Variants in ARL13B observed in about 807,000 individuals in gnomAD.
The protein encoded by ARL13B is ARF like GTPase 13B.
In ARL13B, 36 loss-of-function variants were observed where a neutral mutation model predicts 56.1. The observed-to-expected ratio is 0.64, with a 90% CI of 0.49 to 0.85. The LOEUF (loss-of-function observed/expected upper bound fraction) is 0.85. ARL13B is among the 40% of genes least tolerant of loss of function. The pLI is 0.00. For synonymous variants in ARL13B, 178 were observed against 171.1 expected (o/e 1.04, Z -0.32); for missense variants, 519 against 507.1 (o/e 1.02, Z -0.23).
intron 5 of ARL13B, among the ~76,000 whole-genome samples, chr3:94,039,292 A>C (rs2076821648): frequency 6.6e-6 from 1 of 152,096 alleles, no homozygotes; most frequent in South Asian, 2.1e-4. Context: ...CAGGGTCAGG[A>C]GATCGAGACC....
At chr3:93,999,123 A>G (rs989602144) in intron 2 of ARL13B, among the ~76,000 whole-genome samples, 3 of 150,406 alleles carry the variant, frequency 2.0e-5, no homozygotes, top group African/African-American at 4.9e-5. Context: ...ATAATTTTTT[A>G]TAGAGGTGAG....
At chr3:93,985,343 G>A (rs559173345) in intron 1 of ARL13B, among the ~76,000 whole-genome samples, 6 of 152,100 alleles carry the variant, frequency 3.9e-5, no homozygotes, top group Non-Finnish European at 8.8e-5. Flanking sequence ...TTATAACATA[G>A]CATCTAGGTG....
At chr3:94,036,522 A>G (rs758351193) in intron 4 of ARL13B, 30 bp from the exon 5 acceptor site, 2 of 1,607,788 alleles carry the variant, frequency 1.2e-6, no homozygotes, top group African/African-American at 2.7e-5. Context: ...AGACCTTTTA[A>G]TCTTTTAGTC....
intron 2 of ARL13B, among the ~76,000 whole-genome samples, chr3:94,001,418 T>C (rs1161190300): frequency 2.6e-5 from 4 of 152,180 alleles, no homozygotes; most frequent in Admixed American, 6.5e-5. Context: ...GCCTAAAATA[T>C]AGTTCTCCCT....
intron 5 of ARL13B, among the ~76,000 whole-genome samples, chr3:94,037,243 AC>A (rs2076785222): frequency 6.6e-6 from 1 of 152,200 alleles, no homozygotes; most frequent in Non-Finnish European, 1.5e-5. Context: ...AGACTGAGGA[AC>A]CTTTTTAGTT....
chr3:94,045,205 C>T (rs946805499), intron 7 of ARL13B, among the ~76,000 whole-genome samples: 3 of 151,992 alleles, frequency 2.0e-5, no homozygotes, highest in African/African-American at 7.2e-5. Flanking sequence ...GGATTAAGGG[C>T]GGTGCAAGAT....
chr3:94,034,079 G>A (rs548661835), intron 3 of ARL13B, among the ~76,000 whole-genome samples: 1 of 152,226 alleles, frequency 6.6e-6, no homozygotes, highest in East Asian at 1.9e-4. Context: ...GGAGAATATT[G>A]AGTAAATTGA....
chr3:94,029,338 A>ATTTTTTT (rs1272624458), intron 3 of ARL13B, among the ~76,000 whole-genome samples: 8 of 59,028 alleles, frequency 1.4e-4, no homozygotes, highest in African/African-American at 4.0e-4. Context: ...ATATATATTT[A>ATTTTTTT]TTTTTTTTTT....
At chr3:94,029,785 T>C (rs974394658) in intron 3 of ARL13B, among the ~76,000 whole-genome samples, 1 of 152,156 alleles carries the variant, frequency 6.6e-6, no homozygotes. Flanking sequence ...TCCTTCAGCG[T>C]AGAACTGGCT....
At chr3:94,010,990 TTTTAAG>T (rs1241870284) in intron 3 of ARL13B, among the ~76,000 whole-genome samples, 1 of 152,078 alleles carries the variant, frequency 6.6e-6, no homozygotes, top group Non-Finnish European at 1.5e-5. Context: ...GTTTATCATC[TTTTAAG>T]TTTATCTTTT....
Position 94,053,273 on chromosome 3 carries a change from A to G in ARL13B, c.*10A>G. On this transcript the variant is annotated 3_prime_UTR_variant, in exon 10 of 10. Coordinates refer to ENST00000394222, the MANE Select transcript of ARL13B (RefSeq NM_001174150.2). ...TGATGTGATCTCATAAACAAGACGTATGGAGGAGTTCTCTTAATATCAGCA... is the reference window on the plus strand; with the variant it reads ...TGATGTGATCTCATAAACAAGACGTGTGGAGGAGTTCTCTTAATATCAGCA... 1 of 1,611,768 alleles carries G rather than the reference A, an allele frequency of 6.2e-7. No homozygotes were observed. Among genetic ancestry groups the G allele is most frequent in the Non-Finnish European group, 8.5e-7 (1 of 1,178,340 alleles).
Position 94,054,585 on chromosome 3 carries a change from G to A in ARL13B, c.*1322G>A, listed in dbSNP as rs1291462710. On this transcript the variant is annotated 3_prime_UTR_variant, in exon 10 of 10. Transcript: ENST00000394222. ...ACTTGTACTGACACAACAGACATGT[G>A]CTAGTATCTGATAACATTAAGTACA... 3 of 394,854 alleles carry A rather than the reference G, an allele frequency of 7.6e-6. No individual in the cohort carries two copies. Among genetic ancestry groups the A allele is most frequent in the Non-Finnish European group, 1.5e-5 (3 of 203,440 alleles). 24.5% of individuals were successfully genotyped at this position (394,854 alleles called of 1,614,324 possible). A position where few individuals can be genotyped will look rare whatever the true frequency, so the allele number is the denominator to read the frequency against.
At chr3:94,046,299 A>T (rs1051908808) in intron 7 of ARL13B, among the ~76,000 whole-genome samples, 1 of 151,930 alleles carries the variant, frequency 6.6e-6, no homozygotes, top group Non-Finnish European at 1.5e-5. Flanking sequence ...TCTCCACCTC[A>T]TCTCCTGGCA....
chr3:94,052,857 G>T (rs1319437495), intron 9 of ARL13B, among the ~76,000 whole-genome samples: 1 of 152,092 alleles, frequency 6.6e-6, no homozygotes, highest in Non-Finnish European at 1.5e-5. Context: ...AAAGTAAGAA[G>T]TAAGGAATGG....
chr3:94,016,337 A>T (rs1217763013), intron 3 of ARL13B, among the ~76,000 whole-genome samples: 1 of 152,044 alleles, frequency 6.6e-6, no homozygotes, highest in East Asian at 1.9e-4. Flanking sequence ...ATGCTGTAGG[A>T]CTCAGTGTTT....
At position 94,054,873 on chromosome 3, in the gene ARL13B, T is replaced by C. The variant is rs1446806287; in HGVS notation, c.*1610T>C. On this transcript the variant is annotated 3_prime_UTR_variant, in exon 10 of 10. Transcript: ENST00000394222. ...GATGAAAAGCAATACGAAAAGACAA[T>C]GTAAACTTTGAAAAGGATTTTAGAG... is the stretch of plus-strand genomic sequence containing the variant. 3.5e-6 allele frequency: 1 copy of C among 286,978 alleles called. No homozygotes were observed. The highest frequency in any genetic ancestry group is 9.9e-5 in the East Asian group (1 of 10,062). 17.8% of individuals were successfully genotyped at this position (286,978 alleles called of 1,614,324 possible). A position where few individuals can be genotyped will look rare whatever the true frequency, so the allele number is the denominator to read the frequency against.
At chr3:94,011,842 C>T (rs954471236) in intron 3 of ARL13B, among the ~76,000 whole-genome samples, 2 of 152,062 alleles carry the variant, frequency 1.3e-5, no homozygotes, top group African/African-American at 4.8e-5. Flanking sequence ...GAAAGAATTG[C>T]CTGTAGTGGC....
intron 3 of ARL13B, among the ~76,000 whole-genome samples, chr3:94,025,359 G>A (rs1482581434): frequency 2.0e-5 from 3 of 152,166 alleles, no homozygotes; most frequent in South Asian, 4.1e-4. Flanking sequence ...ATGGCAATGC[G>A]TATTATGTAA....
At chr3:93,992,844 GTACAAGTGGTACGATCTTGTCTCAC>G (rs2075898992) in intron 1 of ARL13B, among the ~76,000 whole-genome samples, 1 of 152,060 alleles carries the variant, frequency 6.6e-6, no homozygotes, top group Admixed American at 6.5e-5. Context: ...CCAGGCTGGA[GTACAAGTGGTACGATCTTGTCTCAC>G]TACAACCTCT....
Sources: allele counts gnomAD v4.1 joint callset (sites outside exome capture counted in the v4.1 genomes callset), GRCh38; gene constraint gnomAD v4.1.1; transcripts MANE v1.5; gene names NCBI Gene and HGNC (gene_info 2026-07-23, HGNC 2026-07-21).